Variants in ZNF521 observed in about 807,000 individuals in gnomAD.
ZNF521 encodes the protein zinc finger protein 521, also known as LYST-interacting protein 3.
A neutral mutation model predicts 105.5 loss-of-function variants in ZNF521; 14 were observed. The ratio of observed to expected loss-of-function variants is 0.13; its 90% CI spans 0.09 to 0.21. The LOEUF (loss-of-function observed/expected upper bound fraction) is 0.21, where lower values mean the gene tolerates loss of function less well. Among genes scored for constraint, ZNF521 ranks in the 10% least tolerant of loss-of-function variants. The pLI is 1.00. For missense variants in ZNF521, 1,233 were observed against 1,629.7 expected, an observed-to-expected ratio of 0.76 and a Z score of 4.19; for synonymous variants, 635 against 606.0, an observed-to-expected ratio of 1.05 and a Z score of -0.70.
chr18:25,245,091 A>G (rs1476606888), intron 3 of ZNF521, among the ~76,000 whole-genome samples: 2 of 152,258 alleles, frequency 1.3e-5, no homozygotes, highest in South Asian at 4.1e-4. Flanking sequence ...ACTTTGCTAT[A>G]GCAAATTTTC....
intron 4 of ZNF521, among the ~76,000 whole-genome samples, chr18:25,195,959 A>G (rs998886187): frequency 3.3e-5 from 5 of 151,754 alleles, no homozygotes; most frequent in African/African-American, 7.2e-5. Context: ...GCCTGATGTC[A>G]TGGTGCTGTA....
rs2144614112 is a variant in ZNF521, at chr18:25,188,234, G to A, written c.3658+6926C>T. On this transcript the variant is annotated intron_variant, in intron 5 of 7. Transcript: ENST00000361524. ...TGTGAGATACCTTGCAATCTTGGCA[G>A]GTAGCTACTGCTGTCATAGGCATAA... 2.0e-5 allele frequency among the ~76,000 whole-genome samples: 3 copies of A among 152,254 alleles called. No homozygotes were observed. In the South Asian group the frequency reaches 6.2e-4, roughly 32 times the overall value.
intron 4 of ZNF521, among the ~76,000 whole-genome samples, chr18:25,220,106 C>T (rs192193986): frequency 1.2e-3 from 178 of 152,216 alleles, no homozygotes; most frequent in African/African-American, 4.1e-3. Context: ...GGAAACAAAC[C>T]TACAGGAAGG....
At chr18:25,350,759 G>A (rs1175625946) in intron 2 of ZNF521, 148 bp downstream of exon 2, 5 of 695,254 alleles carry the variant, frequency 7.2e-6, no homozygotes, top group Non-Finnish European at 1.2e-5. Context: ...TCCACCTAGG[G>A]GCTCAGCGGG....
intron 5 of ZNF521, among the ~76,000 whole-genome samples, chr18:25,148,086 A>G (rs1028287833): frequency 2.0e-5 from 3 of 152,184 alleles, no homozygotes; most frequent in Non-Finnish European, 2.9e-5. Flanking sequence ...CCGGAGGCCA[A>G]TCTGAAGGCT....
At chr18:25,182,228 C>T (rs796930482) in intron 5 of ZNF521, among the ~76,000 whole-genome samples, 4 of 152,162 alleles carry the variant, frequency 2.6e-5, no homozygotes, top group African/African-American at 9.6e-5. Flanking sequence ...GGAGGCAACC[C>T]CTGTGAAGAG....
chr18:25,319,215 G>A (rs1912802377), intron 3 of ZNF521, among the ~76,000 whole-genome samples: 1 of 152,130 alleles, frequency 6.6e-6, no homozygotes, highest in Non-Finnish European at 1.5e-5. Flanking sequence ...ACAGTAACAT[G>A]AATATACAAA....
intron 3 of ZNF521, among the ~76,000 whole-genome samples, chr18:25,261,663 T>C (rs957713771): frequency 1.3e-5 from 2 of 152,090 alleles, no homozygotes; most frequent in Non-Finnish European, 2.9e-5. Flanking sequence ...GTATATGCTT[T>C]TTTTTTTAAT....
chr18:25,102,536 T>A (rs2144262529), intron 5 of ZNF521, among the ~76,000 whole-genome samples: 1 of 152,042 alleles, frequency 6.6e-6, no homozygotes, highest in South Asian at 2.1e-4. Flanking sequence ...TTATTTTTAT[T>A]TTTTAGAGTA....
intron 5 of ZNF521, among the ~76,000 whole-genome samples, chr18:25,156,734 T>C (rs1009632197): frequency 1.3e-5 from 2 of 152,090 alleles, no homozygotes; most frequent in East Asian, 1.9e-4. Context: ...GAATGAAAAA[T>C]ATATGCATAT....
intron 3 of ZNF521, among the ~76,000 whole-genome samples, chr18:25,291,511 G>T (rs1324589630): frequency 6.6e-6 from 1 of 152,058 alleles, no homozygotes; most frequent in Non-Finnish European, 1.5e-5. Flanking sequence ...TCAGATATAG[G>T]ATTACAATAA....
At chr18:25,243,135 C>A (rs1426215158) in intron 3 of ZNF521, among the ~76,000 whole-genome samples, 1 of 152,170 alleles carries the variant, frequency 6.6e-6, no homozygotes, top group Non-Finnish European at 1.5e-5. Flanking sequence ...TAGATAACCT[C>A]AATTTTCCCT....
chr18:25,306,361 T>C (rs1415331653), intron 3 of ZNF521, among the ~76,000 whole-genome samples: 2 of 152,192 alleles, frequency 1.3e-5, no homozygotes, highest in African/African-American at 4.8e-5. Flanking sequence ...CAATGAACAG[T>C]AAAATTAAAT....
At chr18:25,307,653 A>G (rs1465183422) in intron 3 of ZNF521, among the ~76,000 whole-genome samples, 1 of 152,122 alleles carries the variant, frequency 6.6e-6, no homozygotes, top group Non-Finnish European at 1.5e-5. Context: ...TTTCTCATAC[A>G]CTAGAGTTGA....
rs374144298 is a variant in ZNF521, at chr18:25,085,871, T to C, written c.3906+3594A>G. Among the ~76,000 whole-genome samples the C allele has an allele frequency of 7.0e-4, 106 of 152,200 alleles. 1 individual carries two copies. Among genetic ancestry groups the C allele is most frequent in the African/African-American group, 1.2e-3 (51 of 41,554 alleles). ...TGTATTATGGTCATAAAATCATTCA[T>C]GTACATTTAAAAGATATCCATAGTG... On this transcript the variant is annotated intron_variant, in intron 7 of 7. Transcript: ENST00000361524.
intron 3 of ZNF521, among the ~76,000 whole-genome samples, chr18:25,307,282 C>T (rs530638613): frequency 1.4e-4 from 21 of 152,262 alleles, no homozygotes; most frequent in African/African-American, 5.1e-4. Context: ...GTGTTCACTC[C>T]CCTGCATAAA....
At chr18:25,089,708 TG>T (rs2033703460) in intron 6 of ZNF521, 128 bp from the exon 7 acceptor site, 1 of 700,832 alleles carries the variant, frequency 1.4e-6, no homozygotes, top group African/African-American at 1.8e-5. Context: ...GCCTGAGACC[TG>T]GGGAGAGCTG....
intron 5 of ZNF521, among the ~76,000 whole-genome samples, chr18:25,141,066 C>G (rs528561876): frequency 1.3e-5 from 2 of 152,276 alleles, no homozygotes; most frequent in East Asian, 3.9e-4. Flanking sequence ...TGATTCCTCT[C>G]AAGAAGCAGA....
At chr18:25,084,008 T>C (rs2033565507) in intron 7 of ZNF521, among the ~76,000 whole-genome samples, 2 of 144,724 alleles carry the variant, frequency 1.4e-5, no homozygotes, top group Admixed American at 7.1e-5. Flanking sequence ...GGTCTCAATC[T>C]CTTGGGCTCA....
Sources: allele counts gnomAD v4.1 joint callset (sites outside exome capture counted in the v4.1 genomes callset), GRCh38; gene constraint gnomAD v4.1.1; transcripts MANE v1.5; gene names NCBI Gene and HGNC (gene_info 2026-07-23, HGNC 2026-07-21).